Variants in WDR49 observed in about 807,000 individuals in gnomAD.
WDR49 encodes cilia- and flagella-associated protein 337.
A neutral mutation model predicts 119.5 loss-of-function variants in WDR49; 107 were observed. The ratio of observed to expected loss-of-function variants is 0.90; its 90% CI spans 0.77 to 1.05. WDR49 has a LOEUF of 1.05. Among genes scored for constraint, WDR49 ranks in the 50% least tolerant of loss-of-function variants. WDR49 has a pLI of 0.00. For missense variants in WDR49, 1,240 were observed against 1,220.5 expected, an observed-to-expected ratio of 1.02 and a Z score of -0.24; for synonymous variants, 425 against 418.8, an observed-to-expected ratio of 1.01 and a Z score of -0.18.
chr3:167,530,768 C>T (rs1308290238), intron 13 of WDR49, among the ~76,000 whole-genome samples: 2 of 152,086 alleles, frequency 1.3e-5, no homozygotes, highest in South Asian at 4.1e-4. Context: ...GCTTTGACTT[C>T]GGCATACATC....
Position 167,494,539 on chromosome 3 carries a change from T to C in WDR49, c.3031+5614A>G, listed in dbSNP as rs60776555. Among the ~76,000 whole-genome samples, 90 of 152,278 alleles carry C rather than the reference T, an allele frequency of 5.9e-4. 2 individuals carry two copies. In the East Asian group the frequency reaches 0.013, roughly 22 times the overall value. ...CATCAGAAGGCCGTGGAAGCAGTGA[T>C]GACCAAAATAACTAAATTCCAGAGA... On this transcript the variant is annotated intron_variant, in intron 18 of 18. Coordinates refer to ENST00000682715, the MANE Select transcript of WDR49 (RefSeq NM_001366157.1).
chr3:167,536,236 C>T (rs139371698), intron 11 of WDR49, among the ~76,000 whole-genome samples: 105 of 152,152 alleles, frequency 6.9e-4, no homozygotes, highest in African/African-American at 2.5e-3. Flanking sequence ...TTAATGTTCT[C>T]ATCACTAAGA....
intron 16 of WDR49, among the ~76,000 whole-genome samples, chr3:167,516,558 A>T (rs1030345582): frequency 6.6e-6 from 1 of 152,092 alleles, no homozygotes; most frequent in African/African-American, 2.4e-5. Flanking sequence ...CACAATAAAC[A>T]TATGTGTGCA....
chr3:167,520,275 G>A (rs1577213742), intron 16 of WDR49, among the ~76,000 whole-genome samples: 1 of 152,006 alleles, frequency 6.6e-6, no homozygotes, highest in East Asian at 1.9e-4. Context: ...GGATAACTGA[G>A]TTTGTCATAA....
intron 2 of WDR49, among the ~76,000 whole-genome samples, chr3:167,652,015 T>C (rs909206858): frequency 6.6e-6 from 1 of 152,192 alleles, no homozygotes; most frequent in Non-Finnish European, 1.5e-5. Flanking sequence ...TGCTGTTATG[T>C]TTTACTGAAT....
chr3:167,546,829 C>T (rs145262962), intron 10 of WDR49, among the ~76,000 whole-genome samples: 100 of 151,814 alleles, frequency 6.6e-4, no homozygotes, highest in African/African-American at 2.4e-3. Flanking sequence ...ACTACTTGTT[C>T]CCTCAGAAGT....
intron 18 of WDR49, among the ~76,000 whole-genome samples, chr3:167,491,520 G>A (rs1577193858): frequency 6.6e-6 from 1 of 152,032 alleles, no homozygotes; most frequent in Admixed American, 6.6e-5. Context: ...AGATGTTCCT[G>A]TTTAATGAAC....
chr3:167,529,336 A>C, intron 13 of WDR49, 97 bp from the exon 14 acceptor site: 1 of 1,128,096 alleles, frequency 8.9e-7, no homozygotes, highest in Non-Finnish European at 1.3e-6. Flanking sequence ...TGTGATGTTG[A>C]AGAGGTGAGT....
At chr3:167,623,476 CA>C (rs1273758775) in intron 3 of WDR49, among the ~76,000 whole-genome samples, 1 of 151,918 alleles carries the variant, frequency 6.6e-6, no homozygotes, top group African/African-American at 2.4e-5. Context: ...ATGCATTTGA[CA>C]AAATCCAACA....
Position 167,575,535 on chromosome 3 carries a change from A to T in WDR49, c.1509+383T>A, listed in dbSNP as rs150565677. 9.2e-4 allele frequency among the ~76,000 whole-genome samples: 140 copies of T among 152,344 alleles called. 1 individual carries two copies. The Middle Eastern group carries it at 0.034, about 37-fold the overall frequency. On this transcript the variant is annotated intron_variant, in intron 8 of 18. Coordinates refer to ENST00000682715, the MANE Select transcript of WDR49 (RefSeq NM_001366157.1). ...AATGGATCTCTGCTAATTATGTTTC[A>T]TGCATATTTCAGAACTTTCCACAGG...
intron 18 of WDR49, among the ~76,000 whole-genome samples, chr3:167,490,984 C>G (rs1751111889): frequency 6.6e-6 from 1 of 151,698 alleles, no homozygotes; most frequent in Admixed American, 6.6e-5. Context: ...TTCAGTTTTT[C>G]TCCCTCCCAC....
At chr3:167,611,974 G>C (rs761905619) in intron 5 of WDR49, among the ~76,000 whole-genome samples, 3 of 152,108 alleles carry the variant, frequency 2.0e-5, no homozygotes, top group Non-Finnish European at 4.4e-5. Flanking sequence ...CTACACTATG[G>C]ACCAAGTGGA....
intron 8 of WDR49, among the ~76,000 whole-genome samples, chr3:167,566,225 T>C (rs1713588497): frequency 6.6e-6 from 1 of 152,212 alleles, no homozygotes; most frequent in South Asian, 2.1e-4. Flanking sequence ...GCCCCAATAA[T>C]TCTAACTATA....
rs75158118 is a variant in WDR49, at chr3:167,494,181, A to T, written c.3031+5972T>A. Among the ~76,000 whole-genome samples the T allele has an allele frequency of 5.1e-3, 784 of 152,306 alleles. 6 individuals carry two copies. The highest frequency in any genetic ancestry group is 0.018 in the African/African-American group (761 of 41,568). On this transcript the variant is annotated intron_variant, in intron 18 of 18. Transcript: ENST00000682715. The stretch of plus-strand genomic sequence containing the variant: ...TATCCCAATTTTACAGATGAAAAAT[A>T]AACTGAGACTGAATAGGGTGAATAA...
intron 18 of WDR49, among the ~76,000 whole-genome samples, chr3:167,488,686 G>A (rs1376376787): frequency 6.6e-6 from 1 of 152,030 alleles, no homozygotes. Flanking sequence ...GCTCAGATTA[G>A]TGAGAAACAG....
chr3:167,540,251 C>A (rs1460407117), intron 10 of WDR49, among the ~76,000 whole-genome samples: 1 of 152,200 alleles, frequency 6.6e-6, no homozygotes, highest in Non-Finnish European at 1.5e-5. Flanking sequence ...AGCCAGCACA[C>A]TAAATATATC....
intron 8 of WDR49, among the ~76,000 whole-genome samples, chr3:167,567,698 G>A (rs983497043): frequency 6.6e-6 from 1 of 152,122 alleles, no homozygotes; most frequent in African/African-American, 2.4e-5. Context: ...CTTGTCTAGA[G>A]GCTAATTTAA....
At chr3:167,570,612 G>A (rs909694427) in intron 8 of WDR49, among the ~76,000 whole-genome samples, 1 of 152,094 alleles carries the variant, frequency 6.6e-6, no homozygotes, top group African/African-American at 2.4e-5. Flanking sequence ...GAATATGATG[G>A]CATAGATAAT....
intron 10 of WDR49, among the ~76,000 whole-genome samples, chr3:167,550,630 C>G (rs1712499465): frequency 6.6e-6 from 1 of 151,796 alleles, no homozygotes; most frequent in South Asian, 2.1e-4. Flanking sequence ...ATACAAATAT[C>G]AAGACATCAC....
Sources: gnomAD v4.1 joint callset for allele counts (sites outside exome capture counted in the v4.1 genomes callset) on GRCh38, gnomAD v4.1.1 for gene constraint, MANE v1.5 for transcripts, NCBI Gene and HGNC (gene_info 2026-07-23, HGNC 2026-07-21) for gene names.